The following CTNND2 variants were observed in gnomAD, a reference collection of about 807,000 sequenced individuals.
The protein encoded by CTNND2 is catenin delta 2.
Under a neutral mutation model 144.4 loss-of-function variants are expected in CTNND2, and 22 were observed. The observed-to-expected ratio is 0.15, with a 90% confidence interval of 0.11 to 0.22. The LOEUF (loss-of-function observed/expected upper bound fraction) is 0.22. Ranked by LOEUF, CTNND2 falls within the 10% of genes least tolerant of loss-of-function variation. The pLI is 1.00. For synonymous variants in CTNND2, 751 were observed against 695.6 expected, an observed-to-expected ratio of 1.08 and a Z score of -1.25; for missense variants, 1,353 against 1,618.8, an observed-to-expected ratio of 0.84 and a Z score of 2.82.
Position 11,448,050 on chromosome 5 carries a change from G to A in CTNND2, c.288-35981C>T, listed in dbSNP as rs151159363. ...GGCAAGTGTTCTGCGAAGGGAGAGG[G>A]AGAATCTTCCGAGTGGAGGAAATGA... On this transcript the variant is annotated intron_variant, in intron 3 of 21. Coordinates refer to ENST00000304623, the MANE Select transcript of CTNND2 (RefSeq NM_001332.4). 2.0e-5 allele frequency among the ~76,000 whole-genome samples: 3 copies of A among 152,276 alleles called. No homozygotes were observed. The East Asian group carries it at 5.8e-4, about 29-fold the overall frequency.
chr5:11,524,024 C>CA (rs571789772), intron 3 of CTNND2, among the ~76,000 whole-genome samples: 146 of 152,330 alleles, frequency 9.6e-4, no homozygotes, highest in African/African-American at 3.3e-3. Flanking sequence ...TCATCATGGG[C>CA]AGAAATGCTT....
chr5:11,886,113 G>A (rs1736511677), intron 1 of CTNND2, among the ~76,000 whole-genome samples: 1 of 151,786 alleles, frequency 6.6e-6, no homozygotes, highest in South Asian at 2.1e-4. Flanking sequence ...GCACCTCAAG[G>A]AACCAGAAAA....
chr5:11,059,799 T>C (rs1399772133), intron 16 of CTNND2, among the ~76,000 whole-genome samples: 1 of 152,076 alleles, frequency 6.6e-6, no homozygotes, highest in Non-Finnish European at 1.5e-5. Flanking sequence ...TTCAATTGAA[T>C]GAAAAAAAGT....
At chr5:11,566,767 G>A (rs866037724) in intron 2 of CTNND2, among the ~76,000 whole-genome samples, 1 of 152,216 alleles carries the variant, frequency 6.6e-6, no homozygotes, top group Non-Finnish European at 1.5e-5. Flanking sequence ...CGCTTCAGGT[G>A]GTGACTTCTC....
At chr5:11,054,649 G>C (rs1746174170) in intron 16 of CTNND2, among the ~76,000 whole-genome samples, 1 of 151,978 alleles carries the variant, frequency 6.6e-6, no homozygotes, top group Admixed American at 6.6e-5. Flanking sequence ...CCCTTTGCTG[G>C]GCACTGCTGA....
intron 15 of CTNND2, chr5:11,083,867 G>C: frequency 9.1e-7 from 1 of 1,101,102 alleles, no homozygotes; most frequent in Non-Finnish European, 1.1e-6. Context: ...AGGCACCCCA[G>C]AGCTGGCTCT....
At chr5:11,840,048 CT>C (rs1794378942) in intron 1 of CTNND2, among the ~76,000 whole-genome samples, 1 of 152,066 alleles carries the variant, frequency 6.6e-6, no homozygotes, top group Non-Finnish European at 1.5e-5. Context: ...AACACAAAAT[CT>C]TTTTTCATTC....
At chr5:11,433,217 G>C (rs1176895255) in intron 3 of CTNND2, among the ~76,000 whole-genome samples, 6 of 138,908 alleles carry the variant, frequency 4.3e-5, no homozygotes, top group Non-Finnish European at 8.8e-5. Flanking sequence ...CTGCACTCCA[G>C]CCTGGGCAAC....
chr5:11,321,410 G>A (rs552883846), intron 9 of CTNND2, among the ~76,000 whole-genome samples: 6 of 152,254 alleles, frequency 3.9e-5, no homozygotes, highest in African/African-American at 1.4e-4. Flanking sequence ...ACTGGACAAG[G>A]TTGGAAGGTT....
intron 1 of CTNND2, among the ~76,000 whole-genome samples, chr5:11,774,628 G>C (rs1235047129): frequency 6.6e-6 from 1 of 150,970 alleles, no homozygotes; most frequent in South Asian, 2.1e-4. Context: ...CTGATTACCA[G>C]ATAGTCACAT....
rs548436385 is a variant in CTNND2, at chr5:11,234,918, A to G, written c.1761+1773T>C. 4.6e-5 allele frequency among the ~76,000 whole-genome samples: 7 copies of G among 152,316 alleles called. No individual in the cohort carries two copies. In the East Asian group the frequency reaches 1.2e-3, roughly 25 times the overall value. The stretch of plus-strand genomic sequence containing the variant: ...TCAACCCGTACAAGGCCCAGTCTGC[A>G]TGTGAGAACCCACTTCCCACAACCA... On this transcript the variant is annotated intron_variant, in intron 10 of 21. Coordinates refer to ENST00000304623, the MANE Select transcript of CTNND2 (RefSeq NM_001332.4).
intron 10 of CTNND2, among the ~76,000 whole-genome samples, chr5:11,215,278 A>T (rs1180710760): frequency 6.6e-6 from 1 of 152,234 alleles, no homozygotes; most frequent in Non-Finnish European, 1.5e-5. Flanking sequence ...ATATCATGAC[A>T]CTGGTCTGGC....
intron 9 of CTNND2, among the ~76,000 whole-genome samples, chr5:11,313,485 G>A (rs746885862): frequency 6.6e-6 from 1 of 152,176 alleles, no homozygotes; most frequent in Non-Finnish European, 1.5e-5. Context: ...AGGTGCAGTG[G>A]AAGGGAAGTG....
intron 9 of CTNND2, among the ~76,000 whole-genome samples, chr5:11,275,212 T>C (rs1025686601): frequency 6.6e-6 from 1 of 152,306 alleles, no homozygotes; most frequent in Admixed American, 6.5e-5. Context: ...GCCAGCACTT[T>C]ACAGATGGGG....
intron 12 of CTNND2, among the ~76,000 whole-genome samples, chr5:11,126,277 G>A (rs1335856549): frequency 6.6e-6 from 1 of 151,972 alleles, no homozygotes; most frequent in East Asian, 1.9e-4. Flanking sequence ...CTCCAGCCTG[G>A]GCAACAAGAG....
intron 3 of CTNND2, among the ~76,000 whole-genome samples, chr5:11,432,965 C>T (rs779676877): frequency 6.6e-6 from 1 of 152,204 alleles, no homozygotes; most frequent in Non-Finnish European, 1.5e-5. Context: ...TATTTACTAG[C>T]CGGGTGCAGT....
intron 1 of CTNND2, among the ~76,000 whole-genome samples, chr5:11,753,450 T>C (rs1263136164): frequency 1.3e-5 from 2 of 151,880 alleles, no homozygotes; most frequent in East Asian, 3.9e-4. Flanking sequence ...TGTTTTTAGT[T>C]CTATTTATGT....
chr5:11,680,123 A>T (rs1221445701), intron 2 of CTNND2, among the ~76,000 whole-genome samples: 2 of 152,154 alleles, frequency 1.3e-5, no homozygotes, highest in Non-Finnish European at 2.9e-5. Flanking sequence ...GGGGCATTTT[A>T]AGGAAAAACT....
intron 2 of CTNND2, among the ~76,000 whole-genome samples, chr5:11,694,154 G>C (rs2126655474): frequency 6.6e-6 from 1 of 152,170 alleles, no homozygotes; most frequent in African/African-American, 2.4e-5. Context: ...CATGAAAATG[G>C]GCCAGGCGCG....
Sources: allele counts gnomAD v4.1 joint callset (sites outside exome capture counted in the v4.1 genomes callset), GRCh38; gene constraint gnomAD v4.1.1; transcripts MANE v1.5; gene names NCBI Gene and HGNC (gene_info 2026-07-23, HGNC 2026-07-21).